BRWD1: variants seen among roughly 807,000 people sequenced by gnomAD.
The protein encoded by BRWD1 is bromodomain and WD repeat-containing protein 1.
Under a neutral mutation model 251.2 loss-of-function variants are expected in BRWD1, and 82 were observed. The ratio of observed to expected loss-of-function variants is 0.33; its 90% CI spans 0.27 to 0.39. The LOEUF is 0.39. BRWD1 is among the 10% of genes least tolerant of loss of function. BRWD1 has a pLI of 1.00. For synonymous variants in BRWD1, 918 were observed against 902.8 expected (o/e 1.02, Z -0.30); for missense variants, 2,233 against 2,711.6 (o/e 0.82, Z 3.92).
At chr21:39,205,978 G>A in intron 37 of BRWD1, 130 bp downstream of exon 37, 2 of 847,132 alleles carry the variant, frequency 2.4e-6, no homozygotes, top group Non-Finnish European at 3.6e-6. Flanking sequence ...TACTTGGGAG[G>A]CTGAGGCAGG....
intron 8 of BRWD1, among the ~76,000 whole-genome samples, chr21:39,288,489 T>A (rs573812979): frequency 8.5e-5 from 13 of 152,306 alleles, no homozygotes; most frequent in African/African-American, 2.6e-4. Flanking sequence ...AAATGTCTAT[T>A]GTGATTTTTC....
chr21:39,280,735 T>C (rs929537165), intron 8 of BRWD1, among the ~76,000 whole-genome samples: 2 of 152,230 alleles, frequency 1.3e-5, no homozygotes, highest in African/African-American at 2.4e-5. Flanking sequence ...AATGGATCAC[T>C]GCATAAATGG....
chr21:39,199,660 G>A lies in BRWD1; in HGVS notation c.4756C>T (p.Pro1586Ser), dbSNP rs772939405. The stretch of plus-strand genomic sequence containing the variant: ...CCACATCCATTTGCTAATGAAACGG[G>A]ACCTAGAAATAAGGTTAACAATAAG... ...RTRAAQRKTG[P>S]VSLANGCGRK... Residue 1586 changes from proline (P) to serine (S), a missense_variant and splice_region_variant, in exon 40 of 41, where the codon CCC becomes TCC. By Grantham distance (74) the Pro-to-Ser change is moderately conservative (BLOSUM62 -1). Around this residue, in one of 12 missense-constraint regions of BRWD1, gnomAD observed 928 missense variants for 970.0 expected, o/e 0.96. Transcript: ENST00000342449. The A allele has an allele frequency of 1.0e-5, 16 of 1,590,932 alleles. No homozygotes were observed. Among genetic ancestry groups the A allele is most frequent in the Non-Finnish European group, 1.4e-5 (16 of 1,171,150 alleles).
At chr21:39,271,235 T>G (rs1010177051) in intron 13 of BRWD1, among the ~76,000 whole-genome samples, 4 of 152,102 alleles carry the variant, frequency 2.6e-5, no homozygotes, top group African/African-American at 9.7e-5. Context: ...GAGTCTGCAG[T>G]GAACCAAGAC....
Position 39,196,209 on chromosome 21 carries a change from C to T in BRWD1, c.*50G>A. On this transcript the variant is annotated 3_prime_UTR_variant, in exon 41 of 41. Coordinates refer to ENST00000342449, the MANE Select transcript of BRWD1 (RefSeq NM_033656.4). Reference sequence around the variant, plus strand: ...AAATAATTTTAACAGCCAGCTTTCACCATAAATGCCAGTCCATTTCCTCTT... The same window carrying T: ...AAATAATTTTAACAGCCAGCTTTCATCATAAATGCCAGTCCATTTCCTCTT... The T allele has an allele frequency of 6.7e-7, 1 of 1,496,818 alleles. No individual in the cohort carries two copies. The highest frequency in any genetic ancestry group is 8.9e-7 in the Non-Finnish European group (1 of 1,126,998). The allele number at this position is 1,496,818 out of a possible 1,614,324, so 92.7% of individuals were successfully genotyped here.
chr21:39,232,331 T>TTG, intron 24 of BRWD1, 42 bp downstream of exon 24: 10 of 1,603,286 alleles, frequency 6.2e-6, no homozygotes, highest in Non-Finnish European at 8.5e-6. Flanking sequence ...AATATAAACT[T>TTG]TATGTTCCAT....
At chr21:39,311,167 ATTTTTT>A (rs543538953) in intron 4 of BRWD1, among the ~76,000 whole-genome samples, 1 of 150,664 alleles carries the variant, frequency 6.6e-6, no homozygotes, top group African/African-American at 2.4e-5. Flanking sequence ...ATTTATATAA[ATTTTTT>A]TTTTAAAAAA....
intron 12 of BRWD1, 107 bp downstream of exon 12, chr21:39,276,066 A>C: frequency 1.1e-6 from 1 of 940,464 alleles, no homozygotes; most frequent in Non-Finnish European, 1.5e-6. Context: ...AATCATAATA[A>C]TATAAAGGGA....
rs114468680 is a variant in BRWD1 at position 39,216,756 on chromosome 21, A to G, written c.3660-1394T>C. The G allele has an allele frequency of 5.3e-3, 2,082 of 394,590 alleles. 49 individuals carry two copies. Among genetic ancestry groups the G allele is most frequent in the African/African-American group, 0.039 (1,825 of 46,742 alleles). The allele number at this position is 394,590 out of a possible 1,614,324, so 24.4% of individuals were successfully genotyped here. Reference sequence around the variant, plus strand: ...AACAAAAGTAAAGCCTGAAGAGACCACCTGTTCAGACCATTGCTTACAGAA... The same window carrying G: ...AACAAAAGTAAAGCCTGAAGAGACCGCCTGTTCAGACCATTGCTTACAGAA... On this transcript the variant is annotated intron_variant, in intron 31 of 40. Coordinates refer to ENST00000342449, the MANE Select transcript of BRWD1 (RefSeq NM_033656.4).
intron 8 of BRWD1, among the ~76,000 whole-genome samples, chr21:39,289,490 C>G (rs1272514006): frequency 6.6e-6 from 1 of 151,670 alleles, no homozygotes; most frequent in East Asian, 1.9e-4. Context: ...AGTCTTCATT[C>G]CTTCTTGCAT....
Position 39,190,957 on chromosome 21 carries a change from G to C in BRWD1, c.*5302C>G, listed in dbSNP as rs2031520671. The C allele has an allele frequency of 1.0e-6, 1 of 985,128 alleles. No individual in the cohort carries two copies. Among genetic ancestry groups the C allele is most frequent in the African/African-American group, 1.7e-5 (1 of 57,280 alleles). The allele number at this position is 985,128 out of a possible 1,614,324, so 61.0% of individuals were successfully genotyped here. A position where few individuals can be genotyped will look rare whatever the true frequency, so the allele number is the denominator to read the frequency against. On this transcript the variant is annotated 3_prime_UTR_variant, in exon 41 of 41. Coordinates refer to ENST00000342449, the MANE Select transcript of BRWD1 (RefSeq NM_033656.4). The stretch of plus-strand genomic sequence containing the variant: ...AACTAATCTAGCTCATCACAATACA[G>C]TTTTCTCTCACCCCTAGAAAAACTC...
rs1183172367 is a variant in BRWD1 at position 39,298,475 on chromosome 21, A to G, written c.306T>C (p.Ser102=). 6.2e-7 allele frequency: 1 copy of G among 1,609,334 alleles called. No individual in the cohort carries two copies. Among genetic ancestry groups the G allele is most frequent in the African/African-American group, 1.3e-5 (1 of 74,630 alleles). Reference sequence around the variant, plus strand: ...AAGACTGCCTTCCTGCACCAAGTAAAGAAGTGACTCTTGAAATACTGGGTG... The same window carrying G: ...AAGACTGCCTTCCTGCACCAAGTAAGGAAGTGACTCTTGAAATACTGGGTG... ...EIPPSISRVT[S]LLGAGRQSLL... The change falls in exon 5 of 41, where the codon TCT becomes TCC. Residue 102 remains serine, a synonymous_variant. Coordinates refer to ENST00000342449, the MANE Select transcript of BRWD1 (RefSeq NM_033656.4).
Position 39,295,735 on chromosome 21 carries a change from T to C in BRWD1, c.609+8A>G, listed in dbSNP as rs1047900516. 7.1e-6 allele frequency: 11 copies of C among 1,551,352 alleles called. No homozygotes were observed. The highest frequency in any genetic ancestry group is 9.6e-6 in the Non-Finnish European group (11 of 1,145,748). ...TGACATCAAATCAAGTTTAAAATTT[T>C]TACTCACTGTAAAGATTCTATGTCC... is the stretch of plus-strand genomic sequence containing the variant. On this transcript the variant is annotated splice_region_variant and intron_variant, in intron 7 of 40. Coordinates refer to ENST00000342449, the MANE Select transcript of BRWD1 (RefSeq NM_033656.4).
intron 13 of BRWD1, 86 bp downstream of exon 13, chr21:39,274,288 T>G: frequency 1.9e-6 from 2 of 1,079,152 alleles, no homozygotes; most frequent in Non-Finnish European, 2.8e-6. Context: ...AAATAACCAC[T>G]GAGAGACACA....
intron 9 of BRWD1, among the ~76,000 whole-genome samples, chr21:39,279,239 T>C (rs1342099545): frequency 6.6e-6 from 1 of 152,206 alleles, no homozygotes; most frequent in African/African-American, 2.4e-5. Flanking sequence ...AGACTCAAAA[T>C]ACATCTCAAT....
At position 39,196,847 on chromosome 21, in the gene BRWD1, G is replaced by A. The variant is rs1568852773; in HGVS notation, c.6222C>T (p.Thr2074=). The A allele has an allele frequency of 2.5e-6, 4 of 1,613,582 alleles. No homozygotes were observed. Among genetic ancestry groups the A allele is most frequent in the South Asian group, 2.2e-5 (2 of 91,076 alleles). The change falls in exon 41 of 41, where the codon ACC becomes ACT. Residue 2074 remains threonine (T), a synonymous_variant. Transcript: ENST00000342449. ...TCTCTGCAGTAGCTTTTTGTGCCAA[G>A]GTTGACTCTGAAGAAAATGTCCTAT... ...ETDRTFSSES[T]LAQKATAENN... is the part of the protein sequence containing the mutation.
At chr21:39,223,012 A>G (rs2033240029) in intron 29 of BRWD1, among the ~76,000 whole-genome samples, 1 of 152,212 alleles carries the variant, frequency 6.6e-6, no homozygotes, top group Non-Finnish European at 1.5e-5. Flanking sequence ...ATTCTATAAA[A>G]TAACTGCCCA....
intron 36 of BRWD1, among the ~76,000 whole-genome samples, chr21:39,209,485 C>G (rs1237357736): frequency 6.6e-6 from 1 of 151,826 alleles, no homozygotes; most frequent in Non-Finnish European, 1.5e-5. Flanking sequence ...ATATTAGCTT[C>G]TAACACATCA....
In BRWD1 at chr21:39,185,983, C is replaced by A. The variant is rs376645499; in HGVS notation, c.*10276G>T. ...AATACACTTCTTTGTTATACCACGA[C>A]CAAATTTTCTAATCCTAGTACAGGC... On this transcript the variant is annotated 3_prime_UTR_variant, in exon 41 of 41. Coordinates refer to ENST00000342449, the MANE Select transcript of BRWD1 (RefSeq NM_033656.4). 19 of 152,260 alleles carry A rather than the reference C, an allele frequency of 1.2e-4. No individual in the cohort carries two copies. Among genetic ancestry groups the A allele is most frequent in the East Asian group, 9.6e-4 (5 of 5,188 alleles). 9.4% of individuals were successfully genotyped at this position (152,260 alleles called of 1,614,324 possible). A position where few individuals can be genotyped will look rare whatever the true frequency, so the allele number is the denominator to read the frequency against.
Sources: allele counts gnomAD v4.1 joint callset (sites outside exome capture counted in the v4.1 genomes callset), GRCh38; gene constraint gnomAD v4.1.1; regional missense constraint gnomAD v4.1.1; transcripts MANE v1.5; gene names NCBI Gene and HGNC (gene_info 2026-07-23, HGNC 2026-07-21).